The following GRID1 variants were observed in gnomAD, a reference collection of about 807,000 sequenced individuals.
GRID1 encodes glutamate receptor ionotropic, delta-1.
A neutral mutation model predicts 98.0 loss-of-function variants in GRID1; 28 were observed. The ratio of observed to expected loss-of-function variants is 0.29; its 90% CI spans 0.21 to 0.39. The LOEUF is 0.39. GRID1 is among the 10% of genes least tolerant of loss of function. GRID1 has a pLI of 1.00. For missense variants in GRID1, 1,111 were observed against 1,340.5 expected (o/e 0.83, Z 2.67); for synonymous variants, 553 against 538.5 (o/e 1.03, Z -0.37).
chr10:86,133,361 C>G (rs1844868055), intron 4 of GRID1, among the ~76,000 whole-genome samples: 1 of 152,184 alleles, frequency 6.6e-6, no homozygotes, highest in Admixed American at 6.5e-5. Context: ...TGCCTGGTCT[C>G]CCACACCTTT....
At chr10:85,876,767 G>C (rs1022487377) in intron 5 of GRID1, among the ~76,000 whole-genome samples, 3 of 152,228 alleles carry the variant, frequency 2.0e-5, no homozygotes, top group Non-Finnish European at 2.9e-5. Context: ...CAGGACAGTG[G>C]ATGCAGCGCA....
chr10:85,760,010 T>C (rs1301428724), intron 8 of GRID1, among the ~76,000 whole-genome samples: 1 of 152,186 alleles, frequency 6.6e-6, no homozygotes, highest in African/African-American at 2.4e-5. Flanking sequence ...CATTACATTC[T>C]CAAGTCTCCA....
intron 4 of GRID1, among the ~76,000 whole-genome samples, chr10:86,058,147 T>A (rs1224765334): frequency 6.6e-6 from 1 of 151,748 alleles, no homozygotes; most frequent in Non-Finnish European, 1.5e-5. Flanking sequence ...GAAGCTGGAG[T>A]GCACAAATGA....
At chr10:86,089,654 C>T (rs931131034) in intron 4 of GRID1, among the ~76,000 whole-genome samples, 2 of 152,044 alleles carry the variant, frequency 1.3e-5, no homozygotes, top group Admixed American at 6.5e-5. Flanking sequence ...CATAAAAATG[C>T]TTCCATGGGC....
At chr10:86,166,364 C>A (rs1845398958) in intron 3 of GRID1, among the ~76,000 whole-genome samples, 1 of 152,146 alleles carries the variant, frequency 6.6e-6, no homozygotes. Context: ...AAAAAATCAA[C>A]CCCATCAAAA....
At chr10:86,023,637 A>G (rs1843078652) in intron 4 of GRID1, among the ~76,000 whole-genome samples, 2 of 152,128 alleles carry the variant, frequency 1.3e-5, no homozygotes, top group Non-Finnish European at 2.9e-5. Flanking sequence ...CACACCCAGC[A>G]TGCCCAAGGC....
chr10:85,751,969 T>C (rs181598725), intron 8 of GRID1, among the ~76,000 whole-genome samples: 218 of 152,290 alleles, frequency 1.4e-3, no homozygotes, highest in African/African-American at 5.0e-3. Context: ...ACCATCCCCA[T>C]ATTTCTGCTA....
At chr10:85,977,158 C>A (rs1209596692) in intron 4 of GRID1, among the ~76,000 whole-genome samples, 1 of 152,190 alleles carries the variant, frequency 6.6e-6, no homozygotes, top group Non-Finnish European at 1.5e-5. Flanking sequence ...TTAGTGTCTA[C>A]CTTATAGGGT....
chr10:86,205,190 T>C (rs1289164519), intron 3 of GRID1, among the ~76,000 whole-genome samples: 1 of 152,252 alleles, frequency 6.6e-6, no homozygotes. Context: ...TTTAGGCAAA[T>C]GCAAACATAT....
chr10:85,927,816 C>G (rs1841797021), intron 4 of GRID1, among the ~76,000 whole-genome samples: 1 of 152,158 alleles, frequency 6.6e-6, no homozygotes, highest in Non-Finnish European at 1.5e-5. Flanking sequence ...ATCTGGATTC[C>G]AGATAGGCCA....
intron 3 of GRID1, among the ~76,000 whole-genome samples, chr10:86,179,716 C>A (rs1209909330): frequency 6.6e-6 from 1 of 152,098 alleles, no homozygotes; most frequent in African/African-American, 2.4e-5. Flanking sequence ...ACTCTCCTAG[C>A]CCAAACCAGT....
intron 4 of GRID1, among the ~76,000 whole-genome samples, chr10:86,014,701 A>G (rs1231742155): frequency 1.3e-5 from 2 of 152,228 alleles, no homozygotes; most frequent in Non-Finnish European, 2.9e-5. Flanking sequence ...CACTCAGTCA[A>G]TGGCTCACTT....
chr10:86,122,667 G>T (rs1452215762), intron 4 of GRID1, among the ~76,000 whole-genome samples: 1 of 152,218 alleles, frequency 6.6e-6, no homozygotes, highest in Non-Finnish European at 1.5e-5. Flanking sequence ...AAACAGTCAT[G>T]ATTTTTTAAA....
intron 9 of GRID1, among the ~76,000 whole-genome samples, chr10:85,728,379 G>A (rs1481363368): frequency 6.6e-6 from 1 of 152,054 alleles, no homozygotes; most frequent in African/African-American, 2.4e-5. Flanking sequence ...TGCAGAGCTA[G>A]GACTGTATCC....
At chr10:85,629,278 C>A (rs1842946673) in intron 13 of GRID1, among the ~76,000 whole-genome samples, 1 of 152,124 alleles carries the variant, frequency 6.6e-6, no homozygotes. Flanking sequence ...AGTTTTGTTG[C>A]ATGGATGTAT....
intron 2 of GRID1, among the ~76,000 whole-genome samples, chr10:86,322,388 TTA>T (rs1289607596): frequency 6.6e-6 from 1 of 152,062 alleles, no homozygotes; most frequent in East Asian, 1.9e-4. Context: ...CAAAGTAGAA[TTA>T]TGTTTTGTTG....
At chr10:86,144,727 C>T (rs918283291) in intron 3 of GRID1, among the ~76,000 whole-genome samples, 2 of 152,180 alleles carry the variant, frequency 1.3e-5, no homozygotes, top group East Asian at 3.9e-4. Context: ...ACCCGCTCCC[C>T]TTCTCCTCCT....
intron 5 of GRID1, among the ~76,000 whole-genome samples, chr10:85,894,210 T>C (rs574417317): frequency 6.6e-6 from 1 of 152,144 alleles, no homozygotes; most frequent in African/African-American, 2.4e-5. Context: ...AGATCCAAAG[T>C]AGAAAGGATA....
At chr10:86,144,704 C>T (rs1418652614) in intron 3 of GRID1, among the ~76,000 whole-genome samples, 1 of 152,160 alleles carries the variant, frequency 6.6e-6, no homozygotes, top group African/African-American at 2.4e-5. Context: ...CAATCATATG[C>T]CCCTCTGCTC....
Sources: gnomAD v4.1 joint callset for allele counts (sites outside exome capture counted in the v4.1 genomes callset) on GRCh38, gnomAD v4.1.1 for gene constraint, MANE v1.5 for transcripts, NCBI Gene and HGNC (gene_info 2026-07-23, HGNC 2026-07-21) for gene names.